The following HACD2 variants were observed in gnomAD, a reference collection of about 807,000 sequenced individuals.
The protein encoded by HACD2 is 3-hydroxyacyl-CoA dehydratase 2.
In HACD2, 15 loss-of-function variants were observed where a neutral mutation model predicts 31.0. The ratio of observed to expected loss-of-function variants is 0.48; its 90% CI spans 0.32 to 0.75. The LOEUF (loss-of-function observed/expected upper bound fraction) is 0.75. Ranked by LOEUF, HACD2 falls within the 30% of genes least tolerant of loss-of-function variation. The pLI is 0.03. For missense variants in HACD2, 283 were observed against 313.0 expected, an observed-to-expected ratio of 0.90 and a Z score of 0.72; for synonymous variants, 115 against 122.2, an observed-to-expected ratio of 0.94 and a Z score of 0.39.
At chr3:123,503,188 C>CT (rs1358129750) in intron 4 of HACD2, among the ~76,000 whole-genome samples, 4 of 151,582 alleles carry the variant, frequency 2.6e-5, no homozygotes, top group African/African-American at 9.7e-5. Context: ...TCGCTTGAAC[C>CT]CGGGAGGCGG....
intron 4 of HACD2, among the ~76,000 whole-genome samples, chr3:123,511,883 GGTGA>G (rs2056068047): frequency 6.6e-6 from 1 of 152,076 alleles, no homozygotes; most frequent in South Asian, 2.1e-4. Flanking sequence ...CTGGGGAGAG[GGTGA>G]GTAAGTCCTT....
intron 3 of HACD2, among the ~76,000 whole-genome samples, chr3:123,557,307 C>A (rs902643901): frequency 6.6e-6 from 1 of 152,130 alleles, no homozygotes; most frequent in African/African-American, 2.4e-5. Context: ...CCAAAACCAC[C>A]CCCTCCCCTT....
At chr3:123,499,391 T>C (rs2055875695) in intron 6 of HACD2, 1 of 215,648 alleles carries the variant, frequency 4.6e-6, no homozygotes, top group African/African-American at 2.3e-5. Context: ...AGAGATGGCC[T>C]CTGGTCGCTA....
chr3:123,564,038 T>C (rs1448384935), intron 3 of HACD2, among the ~76,000 whole-genome samples: 3 of 152,212 alleles, frequency 2.0e-5, no homozygotes, highest in African/African-American at 4.8e-5. Context: ...ACCTGATGAC[T>C]GCCTGGCTAC....
At chr3:123,572,837 T>C (rs1251289117) in intron 2 of HACD2, among the ~76,000 whole-genome samples, 1 of 152,180 alleles carries the variant, frequency 6.6e-6, no homozygotes, top group African/African-American at 2.4e-5. Context: ...ATGGACTTAA[T>C]GTGATTCATC....
chr3:123,537,770 C>T (rs779256114), intron 3 of HACD2, among the ~76,000 whole-genome samples: 1 of 151,936 alleles, frequency 6.6e-6, no homozygotes, highest in Non-Finnish European at 1.5e-5. Context: ...TTAACTAATA[C>T]TAATGAAGAT....
At chr3:123,531,007 A>G (rs1472609279) in intron 3 of HACD2, among the ~76,000 whole-genome samples, 3 of 151,876 alleles carry the variant, frequency 2.0e-5, no homozygotes. Flanking sequence ...GGCTGGGATT[A>G]TAGGCACGCG....
intron 3 of HACD2, among the ~76,000 whole-genome samples, chr3:123,546,386 A>G (rs536129969): frequency 6.6e-4 from 101 of 152,286 alleles, no homozygotes; most frequent in African/African-American, 2.3e-3. Context: ...TCACTAACAG[A>G]ACACTGATCT....
intron 3 of HACD2, among the ~76,000 whole-genome samples, chr3:123,534,182 G>T (rs2056398510): frequency 6.6e-6 from 1 of 152,156 alleles, no homozygotes. Flanking sequence ...CCTGCCTGGT[G>T]CAACCTTCAG....
At chr3:123,578,482 G>C (rs774265142) in intron 2 of HACD2, among the ~76,000 whole-genome samples, 3 of 152,066 alleles carry the variant, frequency 2.0e-5, no homozygotes, top group African/African-American at 2.4e-5. Flanking sequence ...TGTTTCCCAG[G>C]ATGGTCTTGA....
At chr3:123,562,659 G>A (rs138041391) in intron 3 of HACD2, among the ~76,000 whole-genome samples, 112 of 152,238 alleles carry the variant, frequency 7.4e-4, no homozygotes, top group Middle Eastern at 3.4e-3. Context: ...CAATCTGTGA[G>A]GTAGGTATTC....
chr3:123,504,160 C>T (rs1049415521), intron 4 of HACD2, among the ~76,000 whole-genome samples: 3 of 152,162 alleles, frequency 2.0e-5, no homozygotes, highest in African/African-American at 7.2e-5. Context: ...TCTCCAAATC[C>T]TTACTTGAAT....
In HACD2 at chr3:123,584,974, G is replaced by C. The variant is rs1271004; in HGVS notation, c.54C>G (p.Gly18=). The C allele has an allele frequency of 0.21, 323,166 of 1,523,394 alleles. 42,918 individuals are homozygous for C. The highest frequency in any genetic ancestry group is 0.64 in the East Asian group (23,476 of 36,784). The allele number at this position is 1,523,394 out of a possible 1,614,324, so 94.4% of individuals were successfully genotyped here. A position where few individuals can be genotyped will look rare whatever the true frequency, so the allele number is the denominator to read the frequency against. The change falls in exon 1 of 7, where the codon GGC becomes GGG. Residue 18 remains glycine (G), a synonymous_variant. Transcript: ENST00000383657. ...AAAKGNGGGG[G]RAGAGDASGT... ...CGCTGGCGTCCCCGGCCCCGGCCCT[G>C]CCACCGCCGCCCCCATTCCCCTTCG... is the stretch of plus-strand genomic sequence containing the variant.
At chr3:123,539,640 T>C (rs375472572) in intron 3 of HACD2, among the ~76,000 whole-genome samples, 2 of 151,924 alleles carry the variant, frequency 1.3e-5, no homozygotes. Flanking sequence ...AAAACAATAA[T>C]TTAAAATCAT....
chr3:123,534,652 C>T (rs2056403493), intron 3 of HACD2, among the ~76,000 whole-genome samples: 1 of 151,942 alleles, frequency 6.6e-6, no homozygotes, highest in Non-Finnish European at 1.5e-5. Context: ...TTAGGCAAGT[C>T]CTTCAGGAGG....
chr3:123,570,939 C>CACACACAA, intron 2 of HACD2, among the ~76,000 whole-genome samples: 1 of 151,888 alleles, frequency 6.6e-6, no homozygotes, highest in African/African-American at 2.4e-5. Flanking sequence ...CACACACACA[C>CACACACAA]ACACATACAC....
chr3:123,534,381 T>A (rs2056400808), intron 3 of HACD2, among the ~76,000 whole-genome samples: 1 of 151,932 alleles, frequency 6.6e-6, no homozygotes, highest in South Asian at 2.1e-4. Context: ...GTTAACATTA[T>A]AATGCAACTC....
chr3:123,584,515 G>A, intron 1 of HACD2: 1 of 199,282 alleles, frequency 5.0e-6, no homozygotes, highest in Non-Finnish European at 1.0e-5. Flanking sequence ...TCCGAATCTG[G>A]CCGCCCAGGA....
intron 3 of HACD2, among the ~76,000 whole-genome samples, chr3:123,529,430 T>TA (rs1328879784): frequency 1.4e-5 from 2 of 144,570 alleles, no homozygotes; most frequent in Non-Finnish European, 3.0e-5. Flanking sequence ...AAGCTGTTAC[T>TA]AAAAAAATAA....
Sources: allele counts gnomAD v4.1 joint callset (sites outside exome capture counted in the v4.1 genomes callset), GRCh38; gene constraint gnomAD v4.1.1; transcripts MANE v1.5; gene names NCBI Gene and HGNC (gene_info 2026-07-23, HGNC 2026-07-21).